The following KAZN variants were observed in gnomAD, a reference collection of about 807,000 sequenced individuals.
KAZN encodes kazrin, periplakin interacting protein.
KAZN carries 40 observed loss-of-function variants against 87.4 expected under a neutral mutation model. The observed-to-expected ratio is 0.46, with a 90% CI of 0.36 to 0.60. KAZN has a LOEUF of 0.60. KAZN is among the 20% of genes least tolerant of loss of function. The probability of loss-of-function intolerance (pLI) is 0.00; values close to 1 mark genes in which losing one functional copy is unlikely to be tolerated. For synonymous variants in KAZN, 466 were observed against 458.3 expected, an observed-to-expected ratio of 1.02 and a Z score of -0.22; for missense variants, 898 against 1,073.9, an observed-to-expected ratio of 0.84 and a Z score of 2.29.
At chr1:14,195,503 A>G (rs1273645266) in intron 2 of KAZN, among the ~76,000 whole-genome samples, 1 of 116,938 alleles carries the variant, frequency 8.6e-6, no homozygotes, top group Non-Finnish European at 1.7e-5. Context: ...TCCAATTACA[A>G]AAACGGCTCA....
At chr1:13,961,872 T>A (rs1641765899) in intron 1 of KAZN, among the ~76,000 whole-genome samples, 1 of 152,178 alleles carries the variant, frequency 6.6e-6, no homozygotes, top group South Asian at 2.1e-4. Flanking sequence ...AATGTGAATG[T>A]CAGAATTGAT....
intron 1 of KAZN, among the ~76,000 whole-genome samples, chr1:14,860,427 A>C (rs67469308): frequency 0.14 from 20,673 of 152,178 alleles, 1,425 homozygotes; most frequent in Middle Eastern, 0.19. Flanking sequence ...CCTGGCCTCA[A>C]GTTATCTACC....
intron 2 of KAZN, among the ~76,000 whole-genome samples, chr1:14,195,251 T>C (rs1396363438): frequency 1.3e-5 from 2 of 152,176 alleles, no homozygotes; most frequent in East Asian, 1.9e-4. Flanking sequence ...TATGGACAGG[T>C]TTACTCTTCC....
At chr1:13,968,982 CA>C (rs1642040817) in intron 1 of KAZN, among the ~76,000 whole-genome samples, 1 of 152,192 alleles carries the variant, frequency 6.6e-6, no homozygotes, top group Non-Finnish European at 1.5e-5. Context: ...CTCAACTTAT[CA>C]AGTCTAAAAT....
At chr1:15,091,690 G>A (rs1424034644) in intron 8 of KAZN, among the ~76,000 whole-genome samples, 1 of 152,174 alleles carries the variant, frequency 6.6e-6, no homozygotes. Flanking sequence ...GTTTTCCCGT[G>A]ACAGGACTTT....
chr1:14,899,348 CT>C (rs1439425544), intron 1 of KAZN, among the ~76,000 whole-genome samples: 1 of 152,236 alleles, frequency 6.6e-6, no homozygotes, highest in Non-Finnish European at 1.5e-5. Context: ...TCTTCAGCCT[CT>C]GACCTGATAT....
chr1:13,996,943 A>G (rs887922753), intron 1 of KAZN, among the ~76,000 whole-genome samples: 3 of 152,198 alleles, frequency 2.0e-5, no homozygotes, highest in African/African-American at 7.2e-5. Context: ...CCTGTACAGG[A>G]ACAATCCTGC....
chr1:14,288,800 C>A (rs1653457049), intron 2 of KAZN, among the ~76,000 whole-genome samples: 1 of 152,162 alleles, frequency 6.6e-6, no homozygotes, highest in East Asian at 1.9e-4. Context: ...ATCTTTCCTG[C>A]TTTCTCTTGT....
intron 2 of KAZN, among the ~76,000 whole-genome samples, chr1:14,578,271 G>A (rs1174339348): frequency 6.6e-6 from 1 of 152,084 alleles, no homozygotes. Flanking sequence ...ATACGGTAGA[G>A]GAAAATCTCT....
intron 3 of KAZN, among the ~76,000 whole-genome samples, chr1:15,042,634 C>T (rs534498063): frequency 3.3e-5 from 5 of 152,218 alleles, no homozygotes; most frequent in Non-Finnish European, 5.9e-5. Context: ...GCAGGGATGA[C>T]TCACAGCAGT....
chr1:14,904,092 C>T (rs1036805892), intron 1 of KAZN, among the ~76,000 whole-genome samples: 2 of 152,186 alleles, frequency 1.3e-5, no homozygotes, highest in Admixed American at 6.5e-5. Context: ...CCTAGAGGCT[C>T]AGTCTTGAGT....
intron 1 of KAZN, among the ~76,000 whole-genome samples, chr1:13,978,088 A>G (rs1256223802): frequency 7.5e-6 from 1 of 134,212 alleles, no homozygotes; most frequent in African/African-American, 2.9e-5. Context: ...AGATCGTGCC[A>G]CTGCACTCCA....
intron 1 of KAZN, among the ~76,000 whole-genome samples, chr1:14,003,377 G>A (rs373160629): frequency 6.6e-6 from 1 of 150,896 alleles, no homozygotes; most frequent in African/African-American, 2.4e-5. Flanking sequence ...TAAAATGTAT[G>A]TGGAAATGCA....
At chr1:14,654,730 A>C (rs982970030) in intron 1 of KAZN, among the ~76,000 whole-genome samples, 1 of 152,082 alleles carries the variant, frequency 6.6e-6, no homozygotes, top group African/African-American at 2.4e-5. Context: ...TTCTTTGGTT[A>C]ATGTTTACAG....
intron 2 of KAZN, among the ~76,000 whole-genome samples, chr1:14,223,856 TTG>T (rs143125518): frequency 6.6e-6 from 1 of 152,270 alleles, no homozygotes; most frequent in African/African-American, 2.4e-5. Context: ...AGTGGCATGT[TTG>T]TTACAGACAA....
chr1:15,074,231 T>C (rs1639637785), intron 8 of KAZN, among the ~76,000 whole-genome samples: 1 of 152,234 alleles, frequency 6.6e-6, no homozygotes, highest in Admixed American at 6.5e-5. Flanking sequence ...AGCCACCGTG[T>C]TGGAGGGTCC....
intron 2 of KAZN, among the ~76,000 whole-genome samples, chr1:14,308,702 A>G (rs1343522226): frequency 6.6e-6 from 1 of 152,142 alleles, no homozygotes; most frequent in African/African-American, 2.4e-5. Context: ...GAGATGATAG[A>G]GTACCTACCT....
chr1:13,927,907 G>A (rs1023249867), intron 1 of KAZN, among the ~76,000 whole-genome samples: 3 of 152,186 alleles, frequency 2.0e-5, no homozygotes, highest in Non-Finnish European at 2.9e-5. Flanking sequence ...TCAAGGAGGA[G>A]GGCATCCCAG....
chr1:14,839,460 C>T (rs951215467), intron 1 of KAZN, among the ~76,000 whole-genome samples: 1 of 152,086 alleles, frequency 6.6e-6, no homozygotes, highest in Non-Finnish European at 1.5e-5. Flanking sequence ...ATAAATGAAG[C>T]GCACCCAGAA....
Sources: gnomAD v4.1 joint callset for allele counts (sites outside exome capture counted in the v4.1 genomes callset) on GRCh38, gnomAD v4.1.1 for gene constraint, MANE v1.5 for transcripts, NCBI Gene and HGNC (gene_info 2026-07-23, HGNC 2026-07-21) for gene names.